Variants in PRDM2 observed in about 807,000 individuals in gnomAD.
PRDM2 encodes the protein PR domain zinc finger protein 2.
A neutral mutation model predicts 130.0 loss-of-function variants in PRDM2; 30 were observed. The ratio of observed to expected loss-of-function variants is 0.23; its 90% CI spans 0.17 to 0.31. PRDM2 has a LOEUF of 0.31. PRDM2 is among the 10% of genes least tolerant of loss of function. The pLI, the probability that PRDM2 is intolerant of heterozygous loss-of-function variation, is 1.00. For missense variants in PRDM2, 2,011 were observed against 2,108.4 expected (o/e 0.95, Z 0.90); for synonymous variants, 871 against 782.4 (o/e 1.11, Z -1.89).
chr1:13,753,962 C>G (rs1423673922), intron 6 of PRDM2, among the ~76,000 whole-genome samples: 1 of 152,146 alleles, frequency 6.6e-6, no homozygotes, highest in Non-Finnish European at 1.5e-5. Flanking sequence ...GAATCACATT[C>G]TGGAGAGTGG....
At chr1:13,712,483 A>G (rs1642401681) in intron 1 of PRDM2, among the ~76,000 whole-genome samples, 1 of 152,218 alleles carries the variant, frequency 6.6e-6, no homozygotes, top group Admixed American at 6.5e-5. Context: ...CCAAAACCTC[A>G]GTGCCATCCC....
chr1:13,814,728 G>C (rs943732052), intron 8 of PRDM2, among the ~76,000 whole-genome samples: 4 of 152,214 alleles, frequency 2.6e-5, no homozygotes, highest in African/African-American at 9.6e-5. Flanking sequence ...GCTCTACCAT[G>C]TGCCAGCTTT....
intron 5 of PRDM2, among the ~76,000 whole-genome samples, chr1:13,748,223 A>T (rs935117403): frequency 6.6e-6 from 1 of 152,174 alleles, no homozygotes; most frequent in Non-Finnish European, 1.5e-5. Context: ...TAATTAATAA[A>T]TATTTTATGG....
intron 7 of PRDM2, among the ~76,000 whole-genome samples, 192 bp from the exon 8 acceptor site, chr1:13,778,226 T>C (rs569617726): frequency 6.6e-6 from 1 of 152,246 alleles, no homozygotes; most frequent in Non-Finnish European, 1.5e-5. Flanking sequence ...TAAATACTTG[T>C]TGAATGAAGT....
At chr1:13,717,417 A>C (rs1378011951) in intron 2 of PRDM2, 1 of 985,298 alleles carries the variant, frequency 1.0e-6, no homozygotes, top group Non-Finnish European at 1.2e-6. Context: ...ATCCTGCGTT[A>C]GAATGGTTGT....
chr1:13,791,673 A>G (rs1043169502), intron 8 of PRDM2, among the ~76,000 whole-genome samples: 2 of 152,184 alleles, frequency 1.3e-5, no homozygotes, highest in Admixed American at 1.3e-4. Flanking sequence ...TGTAGGTTTC[A>G]TTTAGTTTTC....
At chr1:13,728,057 C>A (rs1239936757) in intron 2 of PRDM2, among the ~76,000 whole-genome samples, 4 of 152,146 alleles carry the variant, frequency 2.6e-5, no homozygotes, top group Non-Finnish European at 4.4e-5. Context: ...GAATACCTAC[C>A]TCAATTTCAA....
rs1407637496 is a variant in PRDM2 at position 13,781,525 on chromosome 1, C to T, written c.3730C>T (p.His1244Tyr). 1.9e-6 allele frequency: 3 copies of T among 1,612,578 alleles called. No individual in the cohort carries two copies. Among genetic ancestry groups the T allele is most frequent in the Non-Finnish European group, 1.7e-6 (2 of 1,179,898 alleles). ...FTDPSKAHVE[H>Y]MQSLPEDPLE... The stretch of plus-strand genomic sequence containing the variant: ...AGATCCCAGCAAGGCCCATGTAGAG[C>T]ATATGCAGAGCTTGCCAGAAGATCC... The change falls in exon 8 of 10, where the codon CAT (histidine) becomes TAT (tyrosine). Residue 1244 changes from histidine (H) to tyrosine (Y), a missense_variant. His to Tyr is a moderately conservative substitution (Grantham distance 83, BLOSUM62 2). This residue lies in a region of PRDM2 where 229 missense variants were observed against 364.1 expected (regional missense o/e 0.63). Transcript: ENST00000311066. This position sits in a 1 kb window ranked among gnomAD's most constrained non-coding sequence, Gnocchi z 6.1.
chr1:13,790,693 G>A (rs1432745718), intron 8 of PRDM2, among the ~76,000 whole-genome samples: 4 of 152,214 alleles, frequency 2.6e-5, no homozygotes, highest in Non-Finnish European at 4.4e-5. Flanking sequence ...GTTGAATACG[G>A]TTTGAGGTTT....
chr1:13,720,688 T>A (rs774254224), intron 2 of PRDM2, among the ~76,000 whole-genome samples: 6 of 152,344 alleles, frequency 3.9e-5, no homozygotes, highest in Middle Eastern at 6.8e-3. Flanking sequence ...TGCTTTCCGT[T>A]CAGTAAGTCA....
chr1:13,712,295 A>G (rs1286309528), intron 1 of PRDM2, among the ~76,000 whole-genome samples: 3 of 152,248 alleles, frequency 2.0e-5, no homozygotes, highest in African/African-American at 7.2e-5. Flanking sequence ...TATTGTAATT[A>G]TTCAATATCA....
At position 13,780,489 on chromosome 1, in the gene PRDM2, C is replaced by T. The variant is rs200576369; in HGVS notation, c.2694C>T (p.Gly898=). ...LQKVLLNEYN[G]IDLPVENPAD... ...AGGTTCTTCTCAATGAATATAATGGCATCGATTTACCTGTAGAAAACCCTG... is the reference window on the plus strand; with the variant it reads ...AGGTTCTTCTCAATGAATATAATGGTATCGATTTACCTGTAGAAAACCCTG... The change falls in exon 8 of 10, where the codon GGC becomes GGT. Residue 898 remains glycine, a synonymous_variant. Coordinates refer to ENST00000311066, the MANE Select transcript of PRDM2 (RefSeq NM_001393986.1). The T allele has an allele frequency of 2.5e-5, 41 of 1,614,176 alleles. 1 individual carries two copies. In the Admixed American group the frequency reaches 4.8e-4, roughly 19 times the overall value.
intron 9 of PRDM2, among the ~76,000 whole-genome samples, chr1:13,818,712 G>C (rs1234730934): frequency 1.8e-4 from 28 of 152,026 alleles, no homozygotes; most frequent in Non-Finnish European, 1.5e-5. Context: ...TTAAGCAGTT[G>C]GAGTTTCTGG....
intron 7 of PRDM2, among the ~76,000 whole-genome samples, chr1:13,776,911 C>A (rs1242482834): frequency 6.6e-6 from 1 of 152,166 alleles, no homozygotes; most frequent in Non-Finnish European, 1.5e-5. Flanking sequence ...GCTCTAAATA[C>A]CTTCTCTGGC....
chr1:13,810,421 G>A (rs1035240109), intron 8 of PRDM2, among the ~76,000 whole-genome samples: 3 of 152,096 alleles, frequency 2.0e-5, no homozygotes, highest in Non-Finnish European at 2.9e-5. Context: ...TAAGCCATCG[G>A]CCGTATTCGT....
chr1:13,709,080 A>G (rs778588298), intron 1 of PRDM2, among the ~76,000 whole-genome samples: 10 of 152,132 alleles, frequency 6.6e-5, no homozygotes, highest in Non-Finnish European at 1.3e-4. Context: ...GGCAGATTCA[A>G]TATCTGTGCT....
chr1:13,739,275 C>T (rs1643367863), intron 4 of PRDM2, among the ~76,000 whole-genome samples: 1 of 152,098 alleles, frequency 6.6e-6, no homozygotes, highest in African/African-American at 2.4e-5. Flanking sequence ...TCTCAATCTC[C>T]TGACCTCATG....
intron 6 of PRDM2, among the ~76,000 whole-genome samples, chr1:13,764,786 C>T (rs1252101314): frequency 6.6e-6 from 1 of 152,208 alleles, no homozygotes; most frequent in Admixed American, 6.5e-5. Context: ...CTGTTGGAAG[C>T]AAAACCTAGA....
chr1:13,702,078 T>C (rs904937857), intron 1 of PRDM2, among the ~76,000 whole-genome samples: 16 of 152,142 alleles, frequency 1.1e-4, no homozygotes, highest in Non-Finnish European at 8.8e-5. Context: ...GGCATAACCT[T>C]CCCCTCTTCA....
Sources: allele counts gnomAD v4.1 joint callset (sites outside exome capture counted in the v4.1 genomes callset), GRCh38; gene constraint gnomAD v4.1.1; regional missense constraint gnomAD v4.1.1; non-coding constraint Gnocchi (gnomAD v3.1); transcripts MANE v1.5; gene names NCBI Gene and HGNC (gene_info 2026-07-23, HGNC 2026-07-21).